Variants in SMARCB1 observed in about 807,000 individuals in gnomAD.
SMARCB1 encodes SWI/SNF related BAF chromatin remodeling complex subunit B1, also known as SWI/SNF-related matrix-associated actin-dependent regulator of chromatin subfamily B member 1.
Under a neutral mutation model 49.0 loss-of-function variants are expected in SMARCB1, and 5 were observed. That is an observed-to-expected ratio of 0.10 (90% CI 0.05 to 0.21). The LOEUF (loss-of-function observed/expected upper bound fraction) is 0.21, where lower values mean the gene tolerates loss of function less well. Ranked by LOEUF, SMARCB1 falls within the 10% of genes least tolerant of loss-of-function variation. The probability of loss-of-function intolerance (pLI) is 1.00; values close to 1 mark genes in which losing one functional copy is unlikely to be tolerated. For synonymous variants in SMARCB1, 201 were observed against 200.1 expected (o/e 1.00, Z -0.04); for missense variants, 226 against 509.2 (o/e 0.44, Z 5.35).
At chr22:23,820,877 CAT>C (rs2030047119) in intron 6 of SMARCB1, among the ~76,000 whole-genome samples, 1 of 152,168 alleles carries the variant, frequency 6.6e-6, no homozygotes, top group Non-Finnish European at 1.5e-5. Flanking sequence ...GTCTTGTAAA[CAT>C]GTGGAGGATG....
chr22:23,812,547 C>T (rs1413795835), intron 5 of SMARCB1, among the ~76,000 whole-genome samples: 3 of 152,088 alleles, frequency 2.0e-5, no homozygotes, highest in Non-Finnish European at 4.4e-5. Flanking sequence ...AGACCAATAT[C>T]CTTTATGACT....
chr22:23,791,860 G>A lies in SMARCB1; in HGVS notation c.198G>A (p.Ser66=), dbSNP rs768360679. The change falls in exon 2 of 9, where the codon TCG becomes TCA. Residue 66 remains serine, a synonymous_variant. Transcript: ENST00000644036. ...AAGAGAGGAAGAAAATAGTTGCATCGTCACATGGTAAAAAAACAAAACCTA... is the reference window on the plus strand; with the variant it reads ...AAGAGAGGAAGAAAATAGTTGCATCATCACATGGTAAAAAAACAAAACCTA... ...TVEERKKIVA[S]SHGKKTKPNT... The A allele has an allele frequency of 4.3e-6, 7 of 1,614,014 alleles. No homozygotes were observed. Among genetic ancestry groups the A allele is most frequent in the Admixed American group, 3.3e-5 (2 of 60,006 alleles).
chr22:23,799,257 C>A (rs1282175655), intron 3 of SMARCB1, among the ~76,000 whole-genome samples: 1 of 151,744 alleles, frequency 6.6e-6, no homozygotes, highest in Non-Finnish European at 1.5e-5. Context: ...AGCCCTGGAG[C>A]CTTAGTTTAA....
At chr22:23,792,116 G>A (rs1465545685) in intron 2 of SMARCB1, 10 of 569,432 alleles carry the variant, frequency 1.8e-5, no homozygotes, top group Non-Finnish European at 2.2e-5. Context: ...CATTGGGTAT[G>A]TGAGCGGGCC....
intron 7 of SMARCB1, among the ~76,000 whole-genome samples, chr22:23,832,407 G>A (rs907498828): frequency 1.3e-5 from 2 of 152,166 alleles, no homozygotes; most frequent in African/African-American, 2.4e-5. Context: ...CCCCGAGTCC[G>A]GCCTGCCCTT....
chr22:23,833,522 C>G, intron 7 of SMARCB1, 50 bp from the exon 8 acceptor site: 1 of 1,613,308 alleles, frequency 6.2e-7, no homozygotes, highest in Non-Finnish European at 8.5e-7. Context: ...TGAGGATTCT[C>G]CATCTATAGC....
At chr22:23,820,058 G>A (rs544709888) in intron 6 of SMARCB1, among the ~76,000 whole-genome samples, 17 of 152,054 alleles carry the variant, frequency 1.1e-4, no homozygotes, top group Admixed American at 7.9e-4. Flanking sequence ...TCGAACTCCC[G>A]ACCACAGGTG....
chr22:23,803,208 A>G lies in SMARCB1; in HGVS notation c.501-87A>G, dbSNP rs5760030. 0.92 allele frequency: 1,438,753 copies of G among 1,571,268 alleles called. 660,623 individuals carry two copies. Among genetic ancestry groups the G allele is most frequent in the African/African-American group, 0.94 (69,459 of 74,276 alleles). ...CATCTTCCCCAGATGGGTTTGCAGA[A>G]GCCTGCTGTGCAGAGAGAGAGGCTG... On this transcript the variant is annotated intron_variant, in intron 4 of 8. Transcript: ENST00000644036.
At chr22:23,812,012 G>A (rs1479901793) in intron 5 of SMARCB1, among the ~76,000 whole-genome samples, 1 of 152,134 alleles carries the variant, frequency 6.6e-6, no homozygotes, top group Non-Finnish European at 1.5e-5. Flanking sequence ...GATATCAAAA[G>A]GAATACTGCA....
chr22:23,804,623 A>G (rs1206456380), intron 5 of SMARCB1, among the ~76,000 whole-genome samples: 1 of 152,148 alleles, frequency 6.6e-6, no homozygotes. Flanking sequence ...GGCTCACTGC[A>G]ACCTCCGCCT....
chr22:23,793,627 G>A lies in SMARCB1; in HGVS notation c.301G>A (p.Asp101Asn), dbSNP rs774488493. ...LKASEVEEIL[D>N]GNDEKYKAVS... The stretch of plus-strand genomic sequence containing the variant: ...AGCCTCGGAAGTGGAAGAGATTCTG[G>A]ATGGCAACGATGAGAAGTACAAGGC... Residue 101 changes from aspartate (D) to asparagine (N), a missense_variant, in exon 3 of 9, where the codon GAT (aspartate) becomes AAT (asparagine). Asp to Asn is a conservative substitution (Grantham distance 23). Around this residue, in one of 6 missense-constraint regions of SMARCB1, gnomAD observed 128 missense variants for 263.9 expected, o/e 0.49. Coordinates refer to ENST00000644036, the MANE Select transcript of SMARCB1 (RefSeq NM_003073.5). 1 of 1,614,108 alleles carries A rather than the reference G, an allele frequency of 6.2e-7. No individual in the cohort carries two copies. Among genetic ancestry groups the A allele is most frequent in the Non-Finnish European group, 8.5e-7 (1 of 1,180,000 alleles).
Position 23,837,805 on chromosome 22 carries a change from G to C in SMARCB1, c.*3625G>C. Reference sequence around the variant, plus strand: ...GCGGCTCCACACGTACACCAGCATGGCCATGAGGGCCTGGCCCAGGAAGAA... The same window carrying C: ...GCGGCTCCACACGTACACCAGCATGCCCATGAGGGCCTGGCCCAGGAAGAA... On this transcript the variant is annotated 3_prime_UTR_variant, in exon 9 of 9. Coordinates refer to ENST00000644036, the MANE Select transcript of SMARCB1 (RefSeq NM_003073.5). 2 of 1,613,814 alleles carry C rather than the reference G, an allele frequency of 1.2e-6. No individual in the cohort carries two copies. The highest frequency in any genetic ancestry group is 1.7e-6 in the Non-Finnish European group (2 of 1,179,992).
Position 23,787,111 on chromosome 22 carries a change from C to T in SMARCB1, c.-59C>T, listed in dbSNP as rs1928032063. On this transcript the variant is annotated 5_prime_UTR_variant, in exon 1 of 9. Coordinates refer to ENST00000644036, the MANE Select transcript of SMARCB1 (RefSeq NM_003073.5). ...CCCTCGGCCCAGCACGCCCCGGCCC[C>T]GCCCCAGCCCTCCTGATCCCTCGCA... The T allele has an allele frequency of 7.2e-6, 8 of 1,112,478 alleles. No individual in the cohort carries two copies. Among genetic ancestry groups the T allele is most frequent in the Admixed American group, 1.7e-5 (1 of 57,456 alleles). The allele number at this position is 1,112,478 out of a possible 1,614,324, so 68.9% of individuals were successfully genotyped here. A position where few individuals can be genotyped will look rare whatever the true frequency, so the allele number is the denominator to read the frequency against.
Position 23,834,125 on chromosome 22 carries a change from C to G in SMARCB1, c.1119-16C>G, listed in dbSNP as rs978259870. On this transcript the variant is annotated splice_polypyrimidine_tract_variant and intron_variant, in intron 8 of 8. Coordinates refer to ENST00000644036, the MANE Select transcript of SMARCB1 (RefSeq NM_003073.5). ...GAGCTGGCCCCGACTCATTGCCCTC[C>G]CCACTCCTCTTCCAGGCGGATGAGG... is the stretch of plus-strand genomic sequence containing the variant. The G allele has an allele frequency of 1.5e-5, 24 of 1,581,132 alleles. No individual in the cohort carries two copies. Among genetic ancestry groups the G allele is most frequent in the African/African-American group, 8.1e-5 (6 of 73,830 alleles).
intron 5 of SMARCB1, among the ~76,000 whole-genome samples, chr22:23,806,804 C>T (rs577540680): frequency 2.0e-5 from 3 of 151,656 alleles, no homozygotes; most frequent in South Asian, 4.2e-4. Context: ...CCTGTGGTCC[C>T]AGCAACCTGG....
chr22:23,787,293 G>T, intron 1 of SMARCB1, 31 bp downstream of exon 1: 1 of 1,403,634 alleles, frequency 7.1e-7, no homozygotes, highest in Non-Finnish European at 1.0e-6. Context: ...GCCCTCCCCG[G>T]GCTCGGCCCC....
intron 7 of SMARCB1, among the ~76,000 whole-genome samples, chr22:23,831,753 C>T (rs930343236): frequency 6.6e-6 from 1 of 152,168 alleles, no homozygotes; most frequent in South Asian, 2.1e-4. Context: ...GTACCTTTCA[C>T]GTCTGCCCTC....
intron 5 of SMARCB1, among the ~76,000 whole-genome samples, chr22:23,809,451 A>AT (rs2145994572): frequency 6.6e-6 from 1 of 151,460 alleles, no homozygotes; most frequent in East Asian, 2.0e-4. Flanking sequence ...TAATTTTTGT[A>AT]TTTTTAGTAG....
intron 3 of SMARCB1, among the ~76,000 whole-genome samples, chr22:23,800,194 G>T (rs60520241): frequency 0.013 from 1,941 of 152,350 alleles, 50 homozygotes; most frequent in African/African-American, 0.045. Context: ...GGAGCTACAG[G>T]CATGAGCCAC....
Sources: allele counts gnomAD v4.1 joint callset (sites outside exome capture counted in the v4.1 genomes callset), GRCh38; gene constraint gnomAD v4.1.1; regional missense constraint gnomAD v4.1.1; transcripts MANE v1.5; gene names NCBI Gene and HGNC (gene_info 2026-07-23, HGNC 2026-07-21).